ITGA2: variants seen among roughly 807,000 people sequenced by gnomAD.
The protein encoded by ITGA2 is integrin subunit alpha 2.
A neutral mutation model predicts 146.3 loss-of-function variants in ITGA2; 101 were observed. That is an observed-to-expected ratio of 0.69 (90% CI 0.59 to 0.81). The LOEUF (loss-of-function observed/expected upper bound fraction) is 0.81, where lower values mean the gene tolerates loss of function less well. ITGA2 is among the 40% of genes least tolerant of loss of function. ITGA2 has a pLI of 0.00. For missense variants in ITGA2, 1,281 were observed against 1,402.7 expected, an observed-to-expected ratio of 0.91 and a Z score of 1.39; for synonymous variants, 477 against 487.1, an observed-to-expected ratio of 0.98 and a Z score of 0.27.
Position 53,060,154 on chromosome 5 carries a change from CTT to C in ITGA2, c.1312+144_1312+145del, listed in dbSNP as rs1579869481. On this transcript the variant is annotated intron_variant, in intron 11 of 29. Coordinates refer to ENST00000296585, the MANE Select transcript of ITGA2 (RefSeq NM_002203.4). ...TTTATTACACATACATATGTTGTCT[CTT>C]TGCCAATCGGGCCTTAAGGCATAAC... The C allele has an allele frequency of 3.4e-6, 3 of 882,520 alleles. No homozygotes were observed. The South Asian group carries it at 4.2e-5, about 12-fold the overall frequency. 54.7% of individuals were successfully genotyped at this position (882,520 alleles called of 1,614,324 possible). A position where few individuals can be genotyped will look rare whatever the true frequency, so the allele number is the denominator to read the frequency against.
At chr5:53,086,834 A>G in intron 27 of ITGA2, 118 bp from the exon 28 acceptor site, 1 of 835,904 alleles carries the variant, frequency 1.2e-6, no homozygotes, top group Admixed American at 2.0e-5. Context: ...ATGGGTCTTC[A>G]GAACCATTTG....
chr5:53,085,344 C>T (rs978899310), intron 27 of ITGA2, among the ~76,000 whole-genome samples: 7 of 152,138 alleles, frequency 4.6e-5, no homozygotes, highest in Non-Finnish European at 5.9e-5. Context: ...CCTTGTTGAA[C>T]GCTAGCAGGT....
At chr5:53,063,038 G>A (rs1211328361) in intron 13 of ITGA2, 109 bp downstream of exon 13, 2 of 901,316 alleles carry the variant, frequency 2.2e-6, no homozygotes, top group Non-Finnish European at 3.4e-6. Context: ...TGCACAGATA[G>A]TATGGTTTAC....
chr5:53,025,878 C>A (rs906082803), intron 1 of ITGA2, among the ~76,000 whole-genome samples: 10 of 152,204 alleles, frequency 6.6e-5, no homozygotes, highest in Admixed American at 1.3e-4. Context: ...GAACTGGCAG[C>A]ATTAATGCTG....
intron 28 of ITGA2, chr5:53,089,483 T>C (rs1740301793): frequency 6.4e-6 from 1 of 157,034 alleles, no homozygotes; most frequent in Non-Finnish European, 1.4e-5. Flanking sequence ...CAATATCAAC[T>C]TGGAATGAGG....
intron 22 of ITGA2, 27 bp from the exon 23 acceptor site, chr5:53,075,194 G>A (rs375797869): frequency 1.9e-5 from 31 of 1,609,104 alleles, no homozygotes; most frequent in Non-Finnish European, 2.6e-5. Context: ...TTCTCTTTAA[G>A]TAATTTCCTA....
chr5:53,074,578 C>T lies in ITGA2; in HGVS notation c.2664+101C>T, dbSNP rs1196190291. ...TGCTATCATGATTTGATAGGCATCACAAAATAACTAGCTGCATACTTAGGG... is the reference window on the plus strand; with the variant it reads ...TGCTATCATGATTTGATAGGCATCATAAAATAACTAGCTGCATACTTAGGG... On this transcript the variant is annotated intron_variant, in intron 21 of 29. Coordinates refer to ENST00000296585, the MANE Select transcript of ITGA2 (RefSeq NM_002203.4). 5.7e-6 allele frequency: 5 copies of T among 880,436 alleles called. No individual in the cohort carries two copies. In the East Asian group the frequency reaches 1.3e-4, roughly 22 times the overall value. The allele number at this position is 880,436 out of a possible 1,614,324, so 54.5% of individuals were successfully genotyped here.
chr5:53,066,361 T>C (rs1745147488), intron 15 of ITGA2, among the ~76,000 whole-genome samples: 1 of 151,894 alleles, frequency 6.6e-6, no homozygotes, highest in South Asian at 2.1e-4. Context: ...AAAGTGTAAC[T>C]TCTATGTGAC....
At chr5:53,087,930 C>T (rs1382184363) in intron 28 of ITGA2, among the ~76,000 whole-genome samples, 2 of 152,174 alleles carry the variant, frequency 1.3e-5, no homozygotes, top group African/African-American at 4.8e-5. Context: ...GAACTATGGG[C>T]CTCCTCACTC....
rs577110691 is a variant in ITGA2, at chr5:53,013,397, G to T, written c.65-13351G>T. Reference sequence around the variant, plus strand: ...TTCTTTTTTTTTTTTTGTCAACTTTGTCGAAGATCAGATGGTTGTCAGTGT... The same window carrying T: ...TTCTTTTTTTTTTTTTGTCAACTTTTTCGAAGATCAGATGGTTGTCAGTGT... On this transcript the variant is annotated intron_variant, in intron 1 of 29. Coordinates refer to ENST00000296585, the MANE Select transcript of ITGA2 (RefSeq NM_002203.4). 1.3e-3 allele frequency among the ~76,000 whole-genome samples: 181 copies of T among 141,450 alleles called. 2 individuals are homozygous for T. The South Asian group carries it at 0.029, about 23-fold the overall frequency. The allele number at this position is 141,450 out of a possible 152,430, so 92.8% of individuals were successfully genotyped here.
chr5:53,074,301 C>A, intron 20 of ITGA2, 84 bp from the exon 21 acceptor site: 1 of 1,038,130 alleles, frequency 9.6e-7, no homozygotes, highest in Non-Finnish European at 1.5e-6. Flanking sequence ...TAAAATGCCA[C>A]TGTACCTCTT....
At position 53,073,173 on chromosome 5, in the gene ITGA2, C is replaced by G. The variant is rs41441846; in HGVS notation, c.2485C>G (p.Leu829Val). 273 of 1,612,262 alleles carry G rather than the reference C, an allele frequency of 1.7e-4. No individual in the cohort carries two copies. Among genetic ancestry groups the G allele is most frequent in the Non-Finnish European group, 2.2e-4 (256 of 1,178,908 alleles). ...CAAAAGGTTAACATTTTCAGTAACG[C>G]TGAAAAATAAAAGGGAAAGTGCATA... is the stretch of plus-strand genomic sequence containing the variant. The part of the protein sequence containing the change: ...QNKRLTFSVT[L>V]KNKRESAYNT... The change falls in exon 20 of 30, where the codon CTG (leucine) becomes GTG (valine). Residue 829 changes from leucine (L) to valine (V), a missense_variant. Coordinates refer to ENST00000296585, the MANE Select transcript of ITGA2 (RefSeq NM_002203.4).
intron 28 of ITGA2, among the ~76,000 whole-genome samples, chr5:53,088,558 C>T (rs762971351): frequency 3.2e-4 from 49 of 151,720 alleles, no homozygotes; most frequent in Non-Finnish European, 2.4e-4. Flanking sequence ...TGGTGGTGCA[C>T]GCCTGGAATC....
chr5:53,024,198 C>T (rs1742823598), intron 1 of ITGA2, among the ~76,000 whole-genome samples: 1 of 152,096 alleles, frequency 6.6e-6, no homozygotes, highest in Non-Finnish European at 1.5e-5. Flanking sequence ...TTTGCTGTTC[C>T]ACAGGATTGT....
chr5:53,019,697 T>G (rs1742571613), intron 1 of ITGA2, among the ~76,000 whole-genome samples: 1 of 152,130 alleles, frequency 6.6e-6, no homozygotes, highest in African/African-American at 2.4e-5. Context: ...AGCTATTTTT[T>G]GTATTTTTAG....
At chr5:53,016,484 G>A (rs1406124438) in intron 1 of ITGA2, among the ~76,000 whole-genome samples, 1 of 152,100 alleles carries the variant, frequency 6.6e-6, no homozygotes, top group East Asian at 1.9e-4. Flanking sequence ...CCCTTTATAG[G>A]TGACCTAGCC....
At chr5:53,061,138 T>G (rs1744889630) in intron 12 of ITGA2, 92 bp downstream of exon 12, 1 of 1,204,000 alleles carries the variant, frequency 8.3e-7, no homozygotes, top group Non-Finnish European at 1.2e-6. Context: ...CAACATGGCC[T>G]GAGTGCCTAC....
chr5:53,065,999 A>G, intron 15 of ITGA2, 22 bp downstream of exon 15: 1 of 1,610,272 alleles, frequency 6.2e-7, no homozygotes, highest in Non-Finnish European at 8.5e-7. Context: ...AGAGCCAGAC[A>G]CAAACTAACT....
In ITGA2 at chr5:53,056,113, G is replaced by T; in HGVS notation, c.1060G>T (p.Ala354Ser). Residue 354 changes from alanine to serine, a missense_variant, in exon 9 of 30, where the codon GCT becomes TCT. By Grantham distance (99) the Ala-to-Ser change is moderately conservative. Coordinates refer to ENST00000296585, the MANE Select transcript of ITGA2 (RefSeq NM_002203.4). ...TGATGAAGCAGCTCTACTAGAAAAG[G>T]CTGGGACATTAGGAGAACAAATTTT... ...VSDEAALLEK[A>S]GTLGEQIFSI... is the part of the protein sequence containing the mutation. 1 of 1,612,028 alleles carries T rather than the reference G, an allele frequency of 6.2e-7. No homozygotes were observed. Among genetic ancestry groups the T allele is most frequent in the Non-Finnish European group, 8.5e-7 (1 of 1,178,780 alleles).
Sources: gnomAD v4.1 joint callset for allele counts (sites outside exome capture counted in the v4.1 genomes callset) on GRCh38, gnomAD v4.1.1 for gene constraint, MANE v1.5 for transcripts, NCBI Gene and HGNC (gene_info 2026-07-23, HGNC 2026-07-21) for gene names.